The following EDA variants were observed in gnomAD, a reference collection of about 807,000 sequenced individuals.
EDA encodes ectodysplasin A, also known as ectodysplasin-A.
In EDA, 2 loss-of-function variants were observed where a neutral mutation model predicts 23.6. The observed-to-expected ratio is 0.08, with a 90% CI of 0.03 to 0.27. The LOEUF is 0.27. Among genes scored for constraint, EDA ranks in the 10% least tolerant of loss-of-function variants. EDA has a pLI of 1.00. For missense variants in EDA, 229 were observed against 324.2 expected (o/e 0.71, Z 2.26); for synonymous variants, 131 against 132.0 (o/e 0.99, Z 0.05).
intron 1 of EDA, among the ~76,000 whole-genome samples, chrX:69,782,872 T>A (rs2014997027): frequency 8.9e-6 from 1 of 111,824 alleles, no homozygotes; most frequent in Non-Finnish European, 1.9e-5. Flanking sequence ...AAAAGAGGTT[T>A]GGGTAACTAA....
chrX:69,739,363 A>T (rs1025959637), intron 1 of EDA, among the ~76,000 whole-genome samples: 2 of 110,804 alleles, frequency 1.8e-5, no homozygotes. Context: ...ACTTTCAACC[A>T]ATTTGTGTTT....
intron 1 of EDA, among the ~76,000 whole-genome samples, chrX:69,866,630 A>G (rs2017489613): frequency 9.0e-6 from 1 of 111,364 alleles, no homozygotes; most frequent in Non-Finnish European, 1.9e-5. Flanking sequence ...AAATAGTACC[A>G]TATATTGGAT....
chrX:69,664,714 T>C (rs1257298081), intron 1 of EDA, among the ~76,000 whole-genome samples: 1 of 111,543 alleles, frequency 9.0e-6, no homozygotes, highest in Non-Finnish European at 1.9e-5. Context: ...TCTTTATCCA[T>C]TTGTCCATTG....
At chrX:70,034,363 G>T (rs934971398) in intron 7 of EDA, among the ~76,000 whole-genome samples, 1 of 111,622 alleles carries the variant, frequency 9.0e-6, no homozygotes, top group African/African-American at 3.3e-5. Context: ...CTGTAGCTTG[G>T]GTCCTGACCC....
intron 1 of EDA, among the ~76,000 whole-genome samples, chrX:69,852,551 C>T (rs745949551): frequency 1.6e-4 from 18 of 111,506 alleles, no homozygotes; most frequent in South Asian, 3.8e-4. Context: ...TGCTGATCTC[C>T]GTTGGCCTTT....
chrX:69,848,319 C>T (rs936665868), intron 1 of EDA, among the ~76,000 whole-genome samples: 3 of 111,253 alleles, frequency 2.7e-5, no homozygotes, highest in African/African-American at 9.8e-5. Context: ...ATGTCTAGGA[C>T]CAGTTCTTTT....
intron 1 of EDA, among the ~76,000 whole-genome samples, chrX:69,926,010 C>G (rs1202579398): frequency 9.1e-6 from 1 of 110,103 alleles, no homozygotes; most frequent in Non-Finnish European, 1.9e-5. Flanking sequence ...GGTGATATCC[C>G]CATTATTATT....
intron 1 of EDA, among the ~76,000 whole-genome samples, chrX:69,758,178 G>A (rs969334919): frequency 8.9e-6 from 1 of 112,147 alleles, no homozygotes; most frequent in South Asian, 3.7e-4. Context: ...TTCAAACATC[G>A]GGTATAGGCT....
chrX:69,842,042 G>T (rs1373512759), intron 1 of EDA, among the ~76,000 whole-genome samples: 2 of 112,274 alleles, frequency 1.8e-5, no homozygotes, highest in Non-Finnish European at 3.8e-5. Flanking sequence ...CCAATCTGTG[G>T]CCTGTTAGGA....
chrX:70,029,444 G>A, intron 4 of EDA, 60 bp from the exon 5 acceptor site: 1 of 1,175,544 alleles, frequency 8.5e-7, no homozygotes, highest in Non-Finnish European at 1.2e-6. Context: ...TAGCTGCTCA[G>A]GTGAGGGGAA....
At chrX:69,829,727 G>T (rs756487151) in intron 1 of EDA, among the ~76,000 whole-genome samples, 34 of 111,743 alleles carry the variant, frequency 3.0e-4, no homozygotes, top group African/African-American at 1.1e-3. Flanking sequence ...TCTTCCCAGG[G>T]TCTAGTGAAG....
chrX:69,766,724 G>A (rs916740097), intron 1 of EDA, among the ~76,000 whole-genome samples: 1 of 112,001 alleles, frequency 8.9e-6, no homozygotes, highest in Non-Finnish European at 1.9e-5. Context: ...CCATGTCTTT[G>A]CCATTGTGAA....
At chrX:70,031,347 A>G (rs2147513888) in intron 6 of EDA, among the ~76,000 whole-genome samples, 1 of 112,156 alleles carries the variant, frequency 8.9e-6, no homozygotes, top group East Asian at 2.8e-4. Context: ...ATATGTATGT[A>G]CACTCCACTG....
rs975004434 is a variant in EDA at position 70,037,819 on chromosome X, G to T, written c.*2210G>T. ...GAGTCAGACATTTCTTTGGAAAACAGCGAACAGCCTTAGAGCTCTTGTGTT... is the reference window on the plus strand; with the variant it reads ...GAGTCAGACATTTCTTTGGAAAACATCGAACAGCCTTAGAGCTCTTGTGTT... On this transcript the variant is annotated 3_prime_UTR_variant, in exon 8 of 8. Transcript: ENST00000374552. The T allele has an allele frequency of 8.9e-5, 10 of 112,017 alleles. No homozygotes were observed. The highest frequency in any genetic ancestry group is 3.2e-4 in the African/African-American group (10 of 30,778). The allele number at this position is 112,017 out of a possible 1,213,427, so 9.2% of individuals were successfully genotyped here.
intron 2 of EDA, chrX:69,957,570 C>G (rs987108516): frequency 2.3e-5 from 3 of 129,593 alleles, no homozygotes; most frequent in African/African-American, 9.7e-5. Context: ...AGGTCATAGA[C>G]TATTTCTGCA....
intron 1 of EDA, among the ~76,000 whole-genome samples, chrX:69,639,584 T>C (rs924095579): frequency 2.7e-5 from 3 of 111,911 alleles, no homozygotes; most frequent in African/African-American, 9.7e-5. Context: ...TCCATTAAAG[T>C]CCTTTGTCCA....
intron 1 of EDA, among the ~76,000 whole-genome samples, chrX:69,859,609 C>T (rs773264482): frequency 3.0e-4 from 34 of 111,749 alleles, no homozygotes; most frequent in Non-Finnish European, 4.7e-4. Flanking sequence ...GATTTCGGTT[C>T]TTTGGCATTT....
At chrX:69,763,330 T>A (rs2014368362) in intron 1 of EDA, among the ~76,000 whole-genome samples, 1 of 111,860 alleles carries the variant, frequency 8.9e-6, no homozygotes, top group African/African-American at 3.2e-5. Context: ...TCTTTTTGCT[T>A]TTGTATCTAA....
intron 1 of EDA, among the ~76,000 whole-genome samples, chrX:69,907,519 TA>T (rs1346403836): frequency 8.9e-6 from 1 of 111,736 alleles, no homozygotes; most frequent in Non-Finnish European, 1.9e-5. Context: ...TGTGACATGT[TA>T]AAAGGAAGAA....
Sources: gnomAD v4.1 joint callset for allele counts (sites outside exome capture counted in the v4.1 genomes callset) on GRCh38, gnomAD v4.1.1 for gene constraint, MANE v1.5 for transcripts, NCBI Gene and HGNC (gene_info 2026-07-23, HGNC 2026-07-21) for gene names.